Variants in ZNF718 observed in about 807,000 individuals in gnomAD.
ZNF718 encodes the protein zinc finger protein 718.
Under a neutral mutation model 2.6 loss-of-function variants are expected in ZNF718, and 3 were observed. The ratio of observed to expected loss-of-function variants is 1.16; its 90% CI spans 0.53 to 3.01. The LOEUF (loss-of-function observed/expected upper bound fraction) is 3.01, where lower values mean the gene tolerates loss of function less well. ZNF718 is among the 30% of genes most tolerant of loss of function. The probability of loss-of-function intolerance (pLI) is 0.03; values close to 1 mark genes in which losing one functional copy is unlikely to be tolerated. For missense variants in ZNF718, 468 were observed against 230.0 expected (o/e 2.03, Z -6.69); for synonymous variants, 135 against 77.9 (o/e 1.73, Z -3.86).
intron 3 of ZNF718, among the ~76,000 whole-genome samples, chr4:198,879 CAT>C (rs1208666250): frequency 2.8e-4 from 42 of 152,294 alleles, no homozygotes; most frequent in African/African-American, 8.9e-4. Context: ...GTCACCATAA[CAT>C]GTTACATTAT....
intron 3 of ZNF718, among the ~76,000 whole-genome samples, chr4:185,629 T>A (rs1717552470): frequency 6.6e-6 from 1 of 152,210 alleles, no homozygotes. Flanking sequence ...TGTGGGAGTC[T>A]AAGTCTCTTT....
chr4:167,353 G>GA (rs1169779220), downstream of ZNF718, among the ~76,000 whole-genome samples: 1 of 152,102 alleles, frequency 6.6e-6, no homozygotes, highest in Non-Finnish European at 1.5e-5. Flanking sequence ...GGTTCCATAT[G>GA]AACTTTAAAG....
chr4:196,765 G>A lies in ZNF718; in HGVS notation c.227-4316G>A, dbSNP rs1431851780. Among the ~76,000 whole-genome samples, 6 of 152,138 alleles carry A rather than the reference G, an allele frequency of 3.9e-5. No homozygotes were observed. The South Asian group carries it at 1.2e-3, about 32-fold the overall frequency. ...CCAACACTCCCAACCCAGAAGGGTT[G>A]GGGGTTGTTAGAAAGCCCTTCCCAG... On this transcript the variant is annotated intron_variant and NMD_transcript_variant, in intron 3 of 4. Coordinates refer to the ZNF718 transcript ENST00000642529.
intron 3 of ZNF718, among the ~76,000 whole-genome samples, chr4:180,210 ATT>A (rs1489569866): frequency 6.6e-6 from 1 of 152,208 alleles, no homozygotes; most frequent in African/African-American, 2.4e-5. Context: ...CTTTTCATTC[ATT>A]GTGTAAGTTA....
At chr4:133,845 A>G (rs1715437615) in intron 3 of ZNF718, among the ~76,000 whole-genome samples, 1 of 152,242 alleles carries the variant, frequency 6.6e-6, no homozygotes, top group African/African-American at 2.4e-5. Context: ...TGATATGTAT[A>G]TACATTGTAA....
intron 3 of ZNF718, among the ~76,000 whole-genome samples, chr4:178,265 A>C (rs373444023): frequency 6.6e-6 from 1 of 151,860 alleles, no homozygotes; most frequent in Admixed American, 6.6e-5. Flanking sequence ...CAGCCAGCCA[A>C]GTAGCTGGGA....
rs529926183 is a variant in ZNF718 at position 161,677 on chromosome 4, G to C, written c.992G>C (p.Arg331Thr). Residue 331 changes from arginine to threonine, a missense_variant, in exon 4 of 4, where the codon AGA (arginine) becomes ACA (threonine). Physicochemically the swap from Arg to Thr is moderately conservative, Grantham distance 71. Transcript: ENST00000510175. ...TTSSDFAKHK[R>T]IHTGEKPYKC... The stretch of plus-strand genomic sequence containing the variant: ...TCCTCAGACTTTGCTAAACATAAGA[G>C]AATTCATACAGGAGAGAAACCCTAC... 5.1e-6 allele frequency: 4 copies of C among 779,336 alleles called. No individual in the cohort carries two copies. The highest frequency in any genetic ancestry group is 5.1e-5 in the Admixed American group (3 of 58,650). 48.3% of individuals were successfully genotyped at this position (779,336 alleles called of 1,614,324 possible).
At chr4:142,118 A>G in intron 3 of ZNF718, 1 of 513,970 alleles carries the variant, frequency 1.9e-6, no homozygotes, top group South Asian at 1.4e-5. Flanking sequence ...GTCCCTCCAC[A>G]TTTTTGGAAC....
chr4:184,857 A>G (rs1717536870), intron 3 of ZNF718, among the ~76,000 whole-genome samples: 1 of 152,116 alleles, frequency 6.6e-6, no homozygotes, highest in African/African-American at 2.4e-5. Flanking sequence ...CAGTAGTAAT[A>G]TCTCTTTTAT....
intron 3 of ZNF718, among the ~76,000 whole-genome samples, chr4:145,935 CTATT>C (rs1553811187): frequency 6.6e-6 from 1 of 152,022 alleles, no homozygotes; most frequent in African/African-American, 2.4e-5. Flanking sequence ...CTTTAACACA[CTATT>C]TATGTCACCC....
chr4:156,367 A>G (rs552380500), intron 3 of ZNF718, among the ~76,000 whole-genome samples: 1 of 152,156 alleles, frequency 6.6e-6, no homozygotes, highest in Admixed American at 6.5e-5. Context: ...AATACTTCTA[A>G]TTTTACCCTC....
chr4:146,079 A>ATG (rs1716045104), intron 3 of ZNF718, among the ~76,000 whole-genome samples: 1 of 24,632 alleles, frequency 4.1e-5, no homozygotes, highest in Non-Finnish European at 8.7e-5. Context: ...ATAGCCTTCT[A>ATG]TATATATATA....
At chr4:128,838 TTGG>T (rs1334152416) in intron 1 of ZNF718, among the ~76,000 whole-genome samples, 2 of 104,088 alleles carry the variant, frequency 1.9e-5, no homozygotes, top group Non-Finnish European at 4.3e-5. Flanking sequence ...TTCTGGTTCT[TTGG>T]TGAAAAATGA....
chr4:190,679 AAGG>A (rs1717673167), intron 3 of ZNF718, among the ~76,000 whole-genome samples: 2 of 152,170 alleles, frequency 1.3e-5, no homozygotes, highest in African/African-American at 4.8e-5. Flanking sequence ...AAAAGCAGAA[AAGG>A]AGAAGAAGTT....
At chr4:144,318 A>G (rs1162277445) in intron 3 of ZNF718, among the ~76,000 whole-genome samples, 1 of 152,224 alleles carries the variant, frequency 6.6e-6, no homozygotes, top group African/African-American at 2.4e-5. Flanking sequence ...TATTCCTGAC[A>G]GCTTTGTCAA....
intron 3 of ZNF718, among the ~76,000 whole-genome samples, chr4:139,047 C>G (rs1203357415): frequency 6.6e-6 from 1 of 152,110 alleles, no homozygotes; most frequent in African/African-American, 2.4e-5. Context: ...TAGGCAGTTT[C>G]CAGATATTTT....
At chr4:175,913 G>T (rs1489268367) in intron 3 of ZNF718, among the ~76,000 whole-genome samples, 1 of 139,432 alleles carries the variant, frequency 7.2e-6, no homozygotes, top group Non-Finnish European at 1.5e-5. Context: ...CTGGAGTGCA[G>T]TGGCGCTATC....
intron 3 of ZNF718, chr4:149,759 A>T (rs1490515859): frequency 6.6e-6 from 1 of 152,186 alleles, no homozygotes; most frequent in African/African-American, 2.4e-5. Flanking sequence ...GTCAAAAAAC[A>T]GTGTAAAGTT....
rs550724372 is a variant in ZNF718 at position 171,971 on chromosome 4, C to T, written c.227-29110C>T. 5.9e-5 allele frequency among the ~76,000 whole-genome samples: 9 copies of T among 152,298 alleles called. No individual in the cohort carries two copies. In the South Asian group the frequency reaches 8.3e-4, roughly 14 times the overall value. The stretch of plus-strand genomic sequence containing the variant: ...GCTGTAGACTGGAGCTGTTCCTATT[C>T]GGCCATCTTGGCTCCACCTGTCGAG... On this transcript the variant is annotated intron_variant and NMD_transcript_variant, in intron 3 of 4. Coordinates refer to the ZNF718 transcript ENST00000642529.
Sources: gnomAD v4.1 joint callset for allele counts (sites outside exome capture counted in the v4.1 genomes callset) on GRCh38, gnomAD v4.1.1 for gene constraint, MANE v1.5 for transcripts, NCBI Gene and HGNC (gene_info 2026-07-23, HGNC 2026-07-21) for gene names.